The following GLIPR1 variants were observed in gnomAD, a reference collection of about 807,000 sequenced individuals.
GLIPR1 encodes the protein glioma pathogenesis-related protein 1.
Under a neutral mutation model 30.3 loss-of-function variants are expected in GLIPR1, and 38 were observed. The observed-to-expected ratio is 1.26, with a 90% CI of 0.97 to 1.65. The LOEUF (loss-of-function observed/expected upper bound fraction) is 1.65. Among genes scored for constraint, GLIPR1 ranks in the 40% most tolerant of loss-of-function variants. The pLI, the probability that GLIPR1 is intolerant of heterozygous loss-of-function variation, is 0.00. For missense variants in GLIPR1, 285 were observed against 326.5 expected (o/e 0.87, Z 0.98); for synonymous variants, 122 against 110.6 (o/e 1.10, Z -0.65).
At chr12:75,496,634 G>GT (rs2046353299) in intron 4 of GLIPR1, 1 of 152,014 alleles carries the variant, frequency 6.6e-6, no homozygotes, top group Admixed American at 6.6e-5. Flanking sequence ...TGGTACTTTC[G>GT]TGTCCATATT....
intron 2 of GLIPR1, among the ~76,000 whole-genome samples, chr12:75,487,985 G>T (rs181578918): frequency 6.6e-6 from 1 of 152,276 alleles, no homozygotes; most frequent in Admixed American, 6.5e-5. Flanking sequence ...ACGATACAGG[G>T]TAACTTCCTG....
chr12:75,486,453 G>A (rs183706922), intron 2 of GLIPR1, among the ~76,000 whole-genome samples: 2 of 152,278 alleles, frequency 1.3e-5, no homozygotes, highest in East Asian at 3.9e-4. Flanking sequence ...TATGGAGTTG[G>A]TATTGTTATT....
In GLIPR1 at chr12:75,499,609, T is replaced by TTCTAGTATAA. The variant is rs2046376300; in HGVS notation, c.*631_*632insTCTAGTATAA. The TTCTAGTATAA allele has an allele frequency of 1.8e-5, 6 of 329,086 alleles. No individual in the cohort carries two copies. The highest frequency in any genetic ancestry group is 1.3e-4 in the African/African-American group (6 of 45,614). The allele number at this position is 329,086 out of a possible 1,614,324, so 20.4% of individuals were successfully genotyped here. ...AATGGTCGTAATGTATACAAAGACT[T>TTCTAGTATAA]ATATACCACTTTCTCGTATAAATTT... On this transcript the variant is annotated 3_prime_UTR_variant, in exon 6 of 6. Coordinates refer to ENST00000266659, the MANE Select transcript of GLIPR1 (RefSeq NM_006851.3).
rs112411957 is a variant in GLIPR1 at position 75,486,393 on chromosome 12, C to T, written c.421-4013C>T. On this transcript the variant is annotated intron_variant, in intron 2 of 5. Transcript: ENST00000266659. ...TAAGGGAATGAAACAAGAATATTTG[C>T]TGAGTGCTTGCTATGTTCCAGAAGC... is the stretch of plus-strand genomic sequence containing the variant. Among the ~76,000 whole-genome samples the T allele has an allele frequency of 5.1e-3, 769 of 152,178 alleles. 3 individuals are homozygous for T. The highest frequency in any genetic ancestry group is 6.5e-3 in the Non-Finnish European group (445 of 68,010).
Position 75,503,622 on chromosome 12 carries a change from A to C in GLIPR1, c.*4644A>C, listed in dbSNP as rs187702707. ...GCCAAATCAGAGAAAAGAGTATTGC[A>C]GACTAAACGAACTTTTATCCATGGA... On this transcript the variant is annotated 3_prime_UTR_variant, in exon 6 of 6. Transcript: ENST00000266659. 24 of 241,404 alleles carry C rather than the reference A, an allele frequency of 9.9e-5. No individual in the cohort carries two copies. Among genetic ancestry groups the C allele is most frequent in the Admixed American group, 7.5e-4 (14 of 18,652 alleles). The allele number at this position is 241,404 out of a possible 1,614,324, so 15.0% of individuals were successfully genotyped here.
At position 75,480,901 on chromosome 12, in the gene GLIPR1, A is replaced by G; in HGVS notation, c.21A>G (p.Thr7=). The G allele has an allele frequency of 6.2e-7, 1 of 1,612,750 alleles. No homozygotes were observed. The highest frequency in any genetic ancestry group is 1.1e-5 in the South Asian group (1 of 90,904). Residue 7 remains threonine, a synonymous_variant, in exon 1 of 6, where the codon ACA becomes ACG. Coordinates refer to ENST00000266659, the MANE Select transcript of GLIPR1 (RefSeq NM_006851.3). Reference sequence around the variant, plus strand: ...AAAGCATGCGTGTCACACTTGCTACAATAGCCTGGATGGTTTCTTTTGTCT... The same window carrying G: ...AAAGCATGCGTGTCACACTTGCTACGATAGCCTGGATGGTTTCTTTTGTCT... MRVTLA[T]IAWMVSFVSN...
In GLIPR1 at chr12:75,501,581, C is replaced by T. The variant is rs2046394364; in HGVS notation, c.*2603C>T. 1 of 618,426 alleles carries T rather than the reference C, an allele frequency of 1.6e-6. No homozygotes were observed. The highest frequency in any genetic ancestry group is 2.8e-6 in the Non-Finnish European group (1 of 357,810). The allele number at this position is 618,426 out of a possible 1,614,324, so 38.3% of individuals were successfully genotyped here. On this transcript the variant is annotated 3_prime_UTR_variant, in exon 6 of 6. Coordinates refer to ENST00000266659, the MANE Select transcript of GLIPR1 (RefSeq NM_006851.3). ...AAATTATAAATTATCTCAGCCATCC[C>T]TTGTCCTTAGGATTAGTAATTAATG...
At chr12:75,487,438 A>T (rs1333173962) in intron 2 of GLIPR1, among the ~76,000 whole-genome samples, 1 of 152,272 alleles carries the variant, frequency 6.6e-6, no homozygotes, top group Non-Finnish European at 1.5e-5. Context: ...GGGCTTTCGC[A>T]GTGAGACAGA....
chr12:75,485,553 A>T (rs920724336), intron 2 of GLIPR1, among the ~76,000 whole-genome samples: 12 of 147,594 alleles, frequency 8.1e-5, no homozygotes, highest in African/African-American at 2.5e-4. Flanking sequence ...TTATTTATTT[A>T]TTTATTTATT....
chr12:75,485,768 T>C (rs2046291582), intron 2 of GLIPR1, among the ~76,000 whole-genome samples: 1 of 152,006 alleles, frequency 6.6e-6, no homozygotes, highest in East Asian at 1.9e-4. Context: ...GCCGGGATGG[T>C]CTCGATCTCC....
rs754216847 is a variant in GLIPR1, at chr12:75,480,980, A to T, written c.100A>T (p.Ile34Phe). 23 of 1,614,084 alleles carry T rather than the reference A, an allele frequency of 1.4e-5. No individual in the cohort carries two copies. Among genetic ancestry groups the T allele is most frequent in the Non-Finnish European group, 1.9e-5 (23 of 1,179,892 alleles). Residue 34 changes from isoleucine (I) to phenylalanine (F), a missense_variant, in exon 1 of 6, where the codon ATC becomes TTC. Transcript: ENST00000266659. ...GCCAGATATCGAAAATGAAGATTTC[A>T]TCAAAGACTGCGTTCGAATCCATAA... ...ILPDIENEDF[I>F]KDCVRIHNKF...
Position 75,502,089 on chromosome 12 carries a change from A to G in GLIPR1, c.*3111A>G. On this transcript the variant is annotated 3_prime_UTR_variant, in exon 6 of 6. Transcript: ENST00000266659. Reference sequence around the variant, plus strand: ...AAGTCACAATATCCTTAGGGTAAAAACAATGGGGTCAAACTGATTTATTAA... The same window carrying G: ...AAGTCACAATATCCTTAGGGTAAAAGCAATGGGGTCAAACTGATTTATTAA... The G allele has an allele frequency of 9.9e-7, 1 of 1,014,932 alleles. No homozygotes were observed. The highest frequency in any genetic ancestry group is 2.4e-5 in the East Asian group (1 of 40,898). The allele number at this position is 1,014,932 out of a possible 1,614,324, so 62.9% of individuals were successfully genotyped here.
chr12:75,497,469 T>C (rs1045281527), intron 4 of GLIPR1: 1 of 152,208 alleles, frequency 6.6e-6, no homozygotes, highest in Admixed American at 6.5e-5. Context: ...ATTGATCTTG[T>C]CACTAATTTC....
At position 75,498,738 on chromosome 12, in the gene GLIPR1, A is replaced by C. The variant is rs765695668; in HGVS notation, c.646+18A>C. 4.3e-6 allele frequency: 7 copies of C among 1,611,700 alleles called. No individual in the cohort carries two copies. The highest frequency in any genetic ancestry group is 5.9e-6 in the Non-Finnish European group (7 of 1,177,986). On this transcript the variant is annotated intron_variant, in intron 5 of 5. Transcript: ENST00000266659. ...AGTCAAACGTACGTACATCAATCTT[A>C]AATTGTTTCATTAAGAGCTATGTGA...
intron 4 of GLIPR1, 153 bp from the exon 5 acceptor site, chr12:75,498,541 T>G (rs571109221): frequency 4.3e-5 from 26 of 604,850 alleles, no homozygotes; most frequent in Non-Finnish European, 7.3e-5. Context: ...TTCAGTCAGT[T>G]CAAAAAGTTT....
rs895314600 is a variant in GLIPR1 at position 75,502,990 on chromosome 12, G to GA, written c.*4018dup. On this transcript the variant is annotated 3_prime_UTR_variant, in exon 6 of 6. Transcript: ENST00000266659. ...CTGAAAGACTCCAACCATGGTTGTG[G>GA]AAAAAAGAGATGTAGAAAGCAATGA... 1.3e-5 allele frequency: 2 copies of GA among 151,918 alleles called. No individual in the cohort carries two copies. The highest frequency in any genetic ancestry group is 6.6e-5 in the Admixed American group (1 of 15,222). The allele number at this position is 151,918 out of a possible 1,614,324, so 9.4% of individuals were successfully genotyped here.
chr12:75,491,219 T>G (rs1346779884), intron 3 of GLIPR1: 1 of 152,260 alleles, frequency 6.6e-6, no homozygotes, highest in Non-Finnish European at 1.5e-5. Context: ...ACTGTTAAAG[T>G]GCTTCACATA....
chr12:75,483,132 A>T, intron 2 of GLIPR1, among the ~76,000 whole-genome samples: 1 of 152,208 alleles, frequency 6.6e-6, no homozygotes, highest in East Asian at 1.9e-4. Context: ...ACAAAAAATT[A>T]TTATAAGAGT....
In GLIPR1 at chr12:75,498,692, A is replaced by G. The variant is rs751881802; in HGVS notation, c.620-2A>G. 1.2e-6 allele frequency: 2 copies of G among 1,611,884 alleles called. No individual in the cohort carries two copies. Among genetic ancestry groups the G allele is most frequent in the Non-Finnish European group, 8.5e-7 (1 of 1,178,170 alleles). On this transcript the variant is annotated splice_acceptor_variant, in intron 4 of 5. Transcript: ENST00000266659. LOFTEE classifies it high-confidence loss of function. Reference sequence around the variant, plus strand: ...TTTTCTTTCTTCCCCCTAACTTTACAGTTAACCGACAGCGAGACCAAGTCA... The same window carrying G: ...TTTTCTTTCTTCCCCCTAACTTTACGGTTAACCGACAGCGAGACCAAGTCA...
Sources: gnomAD v4.1 joint callset for allele counts (sites outside exome capture counted in the v4.1 genomes callset) on GRCh38, gnomAD v4.1.1 for gene constraint, MANE v1.5 for transcripts, NCBI Gene and HGNC (gene_info 2026-07-23, HGNC 2026-07-21) for gene names.